The following KLF12 variants were observed in gnomAD, a reference collection of about 807,000 sequenced individuals.
The protein encoded by KLF12 is Krueppel-like factor 12.
A neutral mutation model predicts 37.8 loss-of-function variants in KLF12; 9 were observed. The observed-to-expected ratio is 0.24, with a 90% CI of 0.14 to 0.42. The LOEUF (loss-of-function observed/expected upper bound fraction) is 0.42. Among genes scored for constraint, KLF12 ranks in the 10% least tolerant of loss-of-function variants. The probability of loss-of-function intolerance (pLI) is 1.00; values close to 1 mark genes in which losing one functional copy is unlikely to be tolerated. For missense variants in KLF12, 411 were observed against 516.0 expected (o/e 0.80, Z 1.97); for synonymous variants, 208 against 202.1 (o/e 1.03, Z -0.25).
At chr13:74,180,663 T>G in the KLF12 span, among the ~76,000 whole-genome samples, 1 of 152,198 alleles carries the variant, frequency 6.6e-6, no homozygotes, top group Non-Finnish European at 1.5e-5. Context: ...CTCAGCACAC[T>G]TAGGTTTTGA....
In KLF12 at chr13:74,088,797, A is replaced by G. The variant is rs970245550; in HGVS notation, c.-32+44942T>C. 2.6e-5 allele frequency among the ~76,000 whole-genome samples: 4 copies of G among 152,338 alleles called. No homozygotes were observed. In the East Asian group the frequency reaches 7.7e-4, roughly 29 times the overall value. On this transcript the variant is annotated intron_variant, in intron 1 of 7. Transcript: ENST00000377669. ...TCTACACCTTTTTTACAGGGCTTTCATGATGACCAGATAGGGTCTTGAATG... is the reference window on the plus strand; with the variant it reads ...TCTACACCTTTTTTACAGGGCTTTCGTGATGACCAGATAGGGTCTTGAATG...
intron 6 of KLF12, among the ~76,000 whole-genome samples, chr13:73,735,808 C>A (rs1877410129): frequency 6.6e-6 from 1 of 152,110 alleles, no homozygotes; most frequent in Non-Finnish European, 1.5e-5. Context: ...TACTGAGTTA[C>A]CCACGTCACA....
intron 1 of KLF12, among the ~76,000 whole-genome samples, chr13:74,055,200 G>C (rs1301560612): frequency 6.6e-6 from 1 of 152,174 alleles, no homozygotes; most frequent in Non-Finnish European, 1.5e-5. Context: ...GTCAAATTCT[G>C]CCCTTTACTC....
chr13:73,723,241 T>G (rs1876406895), intron 6 of KLF12, among the ~76,000 whole-genome samples: 1 of 152,210 alleles, frequency 6.6e-6, no homozygotes, highest in South Asian at 2.1e-4. Context: ...GAGTATCTAT[T>G]CAAAATAGCT....
intron 5 of KLF12, among the ~76,000 whole-genome samples, chr13:73,778,050 C>T (rs980657144): frequency 4.0e-5 from 6 of 151,466 alleles, no homozygotes; most frequent in African/African-American, 1.5e-4. Flanking sequence ...AGGAGAATCG[C>T]TTGAACTCGG....
the KLF12 span, among the ~76,000 whole-genome samples, chr13:74,230,101 C>T: frequency 1.3e-5 from 2 of 151,570 alleles, no homozygotes; most frequent in Admixed American, 6.6e-5. Context: ...ATTGTAGTTC[C>T]CATAATCCCC....
chr13:74,134,891 G>A (rs977647459), upstream of KLF12, among the ~76,000 whole-genome samples: 1 of 152,026 alleles, frequency 6.6e-6, no homozygotes, highest in African/African-American at 2.4e-5. Flanking sequence ...TGTCGCCCGG[G>A]TCGTCCCCGC....
At chr13:73,994,719 A>G (rs1892060344) in intron 2 of KLF12, among the ~76,000 whole-genome samples, 1 of 152,192 alleles carries the variant, frequency 6.6e-6, no homozygotes, top group Admixed American at 6.5e-5. Context: ...ATTTTTTAAT[A>G]TTCATCTGAA....
chr13:74,274,069 A>G, the KLF12 span, among the ~76,000 whole-genome samples: 1 of 152,134 alleles, frequency 6.6e-6, no homozygotes, highest in African/African-American at 2.4e-5. Context: ...AATTTGATAA[A>G]AATCTATTCT....
intron 3 of KLF12, among the ~76,000 whole-genome samples, chr13:73,876,661 T>C (rs1886720285): frequency 6.7e-6 from 1 of 149,456 alleles, no homozygotes; most frequent in Non-Finnish European, 1.5e-5. Flanking sequence ...ATTTTTTATG[T>C]TTCTATTTGT....
the KLF12 span, among the ~76,000 whole-genome samples, chr13:74,246,340 GC>G: frequency 6.6e-6 from 1 of 152,168 alleles, no homozygotes; most frequent in Non-Finnish European, 1.5e-5. Context: ...ATTGAAGACA[GC>G]CCATTTTCTA....
chr13:73,754,068 G>A (rs1878976538), intron 6 of KLF12, among the ~76,000 whole-genome samples: 1 of 152,072 alleles, frequency 6.6e-6, no homozygotes, highest in Non-Finnish European at 1.5e-5. Context: ...ACCTTTCTAT[G>A]CCAATATGTT....
At chr13:74,085,882 T>C (rs1875258272) in intron 1 of KLF12, among the ~76,000 whole-genome samples, 1 of 152,102 alleles carries the variant, frequency 6.6e-6, no homozygotes. Flanking sequence ...GGAATAGAGA[T>C]TGCTGGTACC....
chr13:74,045,171 G>A lies in KLF12; in HGVS notation c.-31-50118C>T, dbSNP rs966813242. On this transcript the variant is annotated intron_variant, in intron 1 of 7. Transcript: ENST00000377669. ...AATAAAGACCATAATCCTTTATTAC[G>A]GAAAAGAACAACTTTACAGTGGAGA... Among the ~76,000 whole-genome samples the A allele has an allele frequency of 3.3e-5, 5 of 152,206 alleles. No individual in the cohort carries two copies. In the East Asian group the frequency reaches 5.8e-4, roughly 18 times the overall value.
chr13:73,832,835 C>T (rs1179497411), intron 4 of KLF12, among the ~76,000 whole-genome samples: 4 of 152,174 alleles, frequency 2.6e-5, no homozygotes. Context: ...ACACCAAAAA[C>T]TGATTGTACC....
At chr13:73,700,271 A>T (rs933846387) in intron 7 of KLF12, among the ~76,000 whole-genome samples, 2 of 150,750 alleles carry the variant, frequency 1.3e-5, no homozygotes, top group African/African-American at 4.8e-5. Context: ...TGTCTCAAAA[A>T]ATAAATAAAT....
At chr13:74,052,583 C>T (rs577177260) in intron 1 of KLF12, among the ~76,000 whole-genome samples, 5 of 152,220 alleles carry the variant, frequency 3.3e-5, no homozygotes, top group African/African-American at 7.2e-5. Context: ...CATCATGTGG[C>T]GGCCAGATCA....
At chr13:73,809,959 G>C (rs1157436207) in intron 5 of KLF12, among the ~76,000 whole-genome samples, 2 of 152,118 alleles carry the variant, frequency 1.3e-5, no homozygotes, top group Non-Finnish European at 2.9e-5. Context: ...ACTTGAAAAG[G>C]TGTAGGCTGG....
the KLF12 span, among the ~76,000 whole-genome samples, chr13:74,197,073 G>C: frequency 2.0e-5 from 3 of 151,934 alleles, no homozygotes; most frequent in African/African-American, 7.3e-5. Flanking sequence ...CTGTGTTCAG[G>C]TATAAGCCTT....
Sources: gnomAD v4.1 joint callset for allele counts (sites outside exome capture counted in the v4.1 genomes callset) on GRCh38, gnomAD v4.1.1 for gene constraint, MANE v1.5 for transcripts, NCBI Gene and HGNC (gene_info 2026-07-23, HGNC 2026-07-21) for gene names.